Variants in ARHGAP26 observed in about 807,000 individuals in gnomAD.
ARHGAP26 encodes Rho GTPase activating protein 26.
A neutral mutation model predicts 104.8 loss-of-function variants in ARHGAP26; 38 were observed. The ratio of observed to expected loss-of-function variants is 0.36; its 90% confidence interval spans 0.28 to 0.48. The LOEUF (loss-of-function observed/expected upper bound fraction) is 0.48, where lower values mean the gene tolerates loss of function less well. ARHGAP26 is among the 20% of genes least tolerant of loss of function. The pLI, the probability that ARHGAP26 is intolerant of heterozygous loss-of-function variation, is 0.99. For missense variants in ARHGAP26, 704 were observed against 947.9 expected (o/e 0.74, Z 3.38); for synonymous variants, 341 against 340.0 (o/e 1.00, Z -0.03).
chr5:143,218,291 C>G (rs1229842494), intron 22 of ARHGAP26, among the ~76,000 whole-genome samples: 3 of 152,086 alleles, frequency 2.0e-5, no homozygotes, highest in Admixed American at 2.0e-4. Context: ...CTTTCTCTCT[C>G]CTTTTACCAC....
chr5:143,134,688 C>T (rs1797725424), intron 19 of ARHGAP26, among the ~76,000 whole-genome samples: 1 of 152,208 alleles, frequency 6.6e-6, no homozygotes, highest in South Asian at 2.1e-4. Flanking sequence ...TATATCACAT[C>T]CGTTTTTCAT....
Position 143,067,389 on chromosome 5 carries a change from A to G in ARHGAP26, c.1538+9642A>G, listed in dbSNP as rs563230403. Among the ~76,000 whole-genome samples, 8 of 152,088 alleles carry G rather than the reference A, an allele frequency of 5.3e-5. No homozygotes were observed. The South Asian group carries it at 1.7e-3, about 32-fold the overall frequency. The stretch of plus-strand genomic sequence containing the variant: ...GGATTTCCTTTCCCGAGTTACTGAA[A>G]TCTGTATTGAAGTATTAATCTATAC... On this transcript the variant is annotated intron_variant, in intron 17 of 22. Coordinates refer to ENST00000645722, the MANE Select transcript of ARHGAP26 (RefSeq NM_001135608.3).
chr5:142,811,062 C>A (rs1763976054), intron 1 of ARHGAP26, among the ~76,000 whole-genome samples: 2 of 152,300 alleles, frequency 1.3e-5, no homozygotes, highest in East Asian at 1.9e-4. Flanking sequence ...TGGAGAGAGG[C>A]CCCAGGGAGT....
At chr5:142,789,929 A>G in intron 1 of ARHGAP26, among the ~76,000 whole-genome samples, 1 of 152,212 alleles carries the variant, frequency 6.6e-6, no homozygotes, top group East Asian at 1.9e-4. Context: ...AACCCACATA[A>G]GAAGCCGATT....
At chr5:142,821,726 T>A (rs565375616) in intron 1 of ARHGAP26, among the ~76,000 whole-genome samples, 1 of 152,316 alleles carries the variant, frequency 6.6e-6, no homozygotes, top group Admixed American at 6.5e-5. Flanking sequence ...ACCCTTCCCA[T>A]TTGGTGACAA....
At chr5:142,896,945 A>AT (rs1759555043) in intron 6 of ARHGAP26, among the ~76,000 whole-genome samples, 1 of 152,202 alleles carries the variant, frequency 6.6e-6, no homozygotes, top group Non-Finnish European at 1.5e-5. Flanking sequence ...AGCAATTATT[A>AT]TTTTTTATTT....
chr5:143,093,473 A>G (rs936177501), intron 17 of ARHGAP26, among the ~76,000 whole-genome samples: 6 of 151,604 alleles, frequency 4.0e-5, no homozygotes, highest in African/African-American at 9.7e-5. Flanking sequence ...AATAGGGTAC[A>G]CTGTTTTCTC....
intron 1 of ARHGAP26, among the ~76,000 whole-genome samples, chr5:142,869,579 CA>C (rs1217557629): frequency 2.0e-5 from 3 of 152,034 alleles, no homozygotes; most frequent in Non-Finnish European, 4.4e-5. Context: ...TTGGAGGTCA[CA>C]AAGGCAATAG....
intron 18 of ARHGAP26, among the ~76,000 whole-genome samples, chr5:143,124,276 G>A (rs246597): frequency 0.075 from 11,404 of 152,286 alleles, 862 homozygotes; most frequent in African/African-American, 0.19. Context: ...AGAAGGTGTG[G>A]AAACCTAGGC....
intron 19 of ARHGAP26, among the ~76,000 whole-genome samples, chr5:143,143,631 G>C (rs1443267627): frequency 1.3e-5 from 2 of 152,104 alleles, no homozygotes; most frequent in Non-Finnish European, 2.9e-5. Context: ...TTCTGTTCCA[G>C]CAGCATAAAT....
intron 11 of ARHGAP26, among the ~76,000 whole-genome samples, chr5:142,986,780 G>T (rs1025508425): frequency 1.4e-4 from 21 of 152,132 alleles, no homozygotes; most frequent in Non-Finnish European, 2.8e-4. Context: ...CCCATTGCTT[G>T]TTTTTCTCAG....
chr5:143,044,557 C>T (rs750170280), intron 14 of ARHGAP26, among the ~76,000 whole-genome samples: 36 of 112,132 alleles, frequency 3.2e-4, no homozygotes, highest in Non-Finnish European at 5.3e-4. Flanking sequence ...GGATCCTGTG[C>T]GTATGTTGGG....
chr5:142,984,641 A>T (rs558548981), intron 11 of ARHGAP26, among the ~76,000 whole-genome samples: 1 of 152,264 alleles, frequency 6.6e-6, no homozygotes, highest in African/African-American at 2.4e-5. Flanking sequence ...CCATATAAAG[A>T]TGTTTCAGTC....
At chr5:142,811,342 A>C (rs984552) in intron 1 of ARHGAP26, among the ~76,000 whole-genome samples, 2,740 of 152,314 alleles carry the variant, frequency 0.018, 81 homozygotes, top group African/African-American at 0.062. Context: ...GCTGTGGTCA[A>C]CCAAGCTGTC....
intron 1 of ARHGAP26, among the ~76,000 whole-genome samples, chr5:142,796,056 GT>G (rs1206503846): frequency 2.9e-5 from 3 of 103,954 alleles, no homozygotes; most frequent in Non-Finnish European, 5.8e-5. Context: ...GTGTTTTTCT[GT>G]GTGTGTGTGT....
intron 14 of ARHGAP26, among the ~76,000 whole-genome samples, chr5:143,045,590 T>C (rs894791538): frequency 1.1e-4 from 17 of 152,226 alleles, no homozygotes; most frequent in Non-Finnish European, 2.4e-4. Flanking sequence ...GAACCTTTCA[T>C]TAACTATTTC....
chr5:142,890,151 A>AAAAAAAAAAAAAAAAT (rs1252590997), intron 5 of ARHGAP26, among the ~76,000 whole-genome samples: 3 of 32,434 alleles, frequency 9.2e-5, no homozygotes, highest in African/African-American at 2.4e-4. Context: ...AAAAAAAAAA[A>AAAAAAAAAAAAAAAAT]ATATATATAT....
chr5:142,865,478 GTTTT>G (rs35950662), intron 1 of ARHGAP26, among the ~76,000 whole-genome samples: 46 of 117,212 alleles, frequency 3.9e-4, no homozygotes, highest in South Asian at 3.2e-3. Flanking sequence ...ACACGGAGAA[GTTTT>G]TTTTTTTTTT....
At chr5:143,160,867 C>T (rs1168962773) in intron 20 of ARHGAP26, among the ~76,000 whole-genome samples, 1 of 152,168 alleles carries the variant, frequency 6.6e-6, no homozygotes, top group African/African-American at 2.4e-5. Context: ...TCCAGGCTGG[C>T]CTCGCCCAGG....
Sources: gnomAD v4.1 joint callset for allele counts (sites outside exome capture counted in the v4.1 genomes callset) on GRCh38, gnomAD v4.1.1 for gene constraint, MANE v1.5 for transcripts, NCBI Gene and HGNC (gene_info 2026-07-23, HGNC 2026-07-21) for gene names.